SF3A3: variants seen among roughly 807,000 people sequenced by gnomAD.
SF3A3 encodes SAP 61.
SF3A3 carries 9 observed loss-of-function variants against 85.8 expected under a neutral mutation model. That is an observed-to-expected ratio of 0.10 (90% CI 0.06 to 0.18). SF3A3 has a LOEUF of 0.18. Among genes scored for constraint, SF3A3 ranks in the 10% least tolerant of loss-of-function variants. The pLI, the probability that SF3A3 is intolerant of heterozygous loss-of-function variation, is 1.00. For missense variants in SF3A3, 306 were observed against 593.3 expected (o/e 0.52, Z 5.03); for synonymous variants, 195 against 204.4 (o/e 0.95, Z 0.39).
chr1:37,974,376 C>T lies in SF3A3; in HGVS notation c.1005+2508G>A, dbSNP rs546744580. ...GGAGTGCAGTGGCGCAATCTCGGCT[C>T]ACTGCAACCTCTGCCTCCTGGGTTC... On this transcript the variant is annotated intron_variant, in intron 12 of 16. Transcript: ENST00000373019. Among the ~76,000 whole-genome samples the T allele has an allele frequency of 1.1e-3, 161 of 146,588 alleles. 2 individuals are homozygous for T. The highest frequency in any genetic ancestry group is 3.1e-3 in the African/African-American group (122 of 39,428).
At chr1:37,974,342 G>C (rs370512123) in intron 12 of SF3A3, among the ~76,000 whole-genome samples, 1 of 120,970 alleles carries the variant, frequency 8.3e-6, no homozygotes, top group African/African-American at 3.3e-5. Context: ...TTGCTCTGTC[G>C]CCCAAGCTGG....
At chr1:37,963,901 G>C (rs1385550560) in intron 15 of SF3A3, among the ~76,000 whole-genome samples, 3 of 137,646 alleles carry the variant, frequency 2.2e-5, no homozygotes, top group African/African-American at 8.8e-5. Flanking sequence ...AAAAATTAGA[G>C]CCAAGCATGG....
chr1:37,969,255 C>T (rs765982793), intron 14 of SF3A3, 99 bp downstream of exon 14: 31 of 848,952 alleles, frequency 3.7e-5, no homozygotes, highest in Non-Finnish European at 5.5e-5. Context: ...CCCTTCAGCT[C>T]TGGACACCAG....
intron 6 of SF3A3, among the ~76,000 whole-genome samples, chr1:37,983,374 A>G (rs1646433097): frequency 6.6e-6 from 1 of 151,376 alleles, no homozygotes; most frequent in South Asian, 2.1e-4. Flanking sequence ...GCTTGAGCTC[A>G]GGAGTTTAAG....
In SF3A3 at chr1:37,966,251, GAAGAA is replaced by G. The variant is rs569465709; in HGVS notation, c.1372+1788_1372+1792del. Among the ~76,000 whole-genome samples, 858 of 149,950 alleles carry G rather than the reference GAAGAA, an allele frequency of 5.7e-3. 7 individuals are homozygous for G. Among genetic ancestry groups the G allele is most frequent in the Admixed American group, 8.2e-3 (123 of 15,018 alleles). ...TTAATTAAATTAAATTAAAAAAAAAGAAGAAAAGAAAAGGCTGCCATGAAAATGTT... is the reference window on the plus strand; with the variant it reads ...TTAATTAAATTAAATTAAAAAAAAAGAAGAAAAGGCTGCCATGAAAATGTT... On this transcript the variant is annotated intron_variant, in intron 15 of 16. Coordinates refer to ENST00000373019, the MANE Select transcript of SF3A3 (RefSeq NM_006802.4).
chr1:37,957,255 A>G lies in SF3A3; in HGVS notation c.*931T>C, dbSNP rs1646225413. ...TTTTACAGTCAAATAGGGATCTTGTAGAAGAAACAGGTAGACAGACCCACC... is the reference window on the plus strand; with the variant it reads ...TTTTACAGTCAAATAGGGATCTTGTGGAAGAAACAGGTAGACAGACCCACC... On this transcript the variant is annotated 3_prime_UTR_variant, in exon 17 of 17. Transcript: ENST00000373019. 1 of 152,160 alleles carries G rather than the reference A, an allele frequency of 6.6e-6. No individual in the cohort carries two copies. The highest frequency in any genetic ancestry group is 1.5e-5 in the Non-Finnish European group (1 of 68,026). The allele number at this position is 152,160 out of a possible 1,614,324, so 9.4% of individuals were successfully genotyped here.
At chr1:37,981,587 T>C (rs989408292) in intron 7 of SF3A3, 142 bp downstream of exon 7, 1 of 672,386 alleles carries the variant, frequency 1.5e-6, no homozygotes, top group African/African-American at 1.8e-5. Context: ...AACCACATCA[T>C]TCATAACCCC....
chr1:37,985,592 GT>G (rs978249491), intron 4 of SF3A3, among the ~76,000 whole-genome samples: 1 of 152,014 alleles, frequency 6.6e-6, no homozygotes, highest in Non-Finnish European at 1.5e-5. Flanking sequence ...TTTTGTTTTT[GT>G]TTTTTTAACA....
At chr1:37,965,055 G>T (rs2148715999) in intron 15 of SF3A3, among the ~76,000 whole-genome samples, 1 of 152,180 alleles carries the variant, frequency 6.6e-6, no homozygotes, top group South Asian at 2.1e-4. Context: ...CTACTTGGGA[G>T]GTTAAGGCAC....
At chr1:37,987,466 T>C in intron 4 of SF3A3, 107 bp downstream of exon 4, 1 of 795,324 alleles carries the variant, frequency 1.3e-6, no homozygotes, top group Admixed American at 2.2e-5. Context: ...AAATGGCAAG[T>C]TCTTTCTTGA....
At chr1:37,982,879 G>A (rs1480636025) in intron 6 of SF3A3, among the ~76,000 whole-genome samples, 2 of 151,878 alleles carry the variant, frequency 1.3e-5, no homozygotes, top group Non-Finnish European at 2.9e-5. Flanking sequence ...AGGATTGATT[G>A]AGTCCAGGAG....
chr1:37,987,857 C>T (rs768238346), intron 2 of SF3A3, 21 bp from the exon 3 acceptor site: 36 of 1,603,938 alleles, frequency 2.2e-5, no homozygotes, highest in Non-Finnish European at 3.0e-5. Flanking sequence ...AATACAAAAC[C>T]ATCAGAATGA....
rs779723115 is a variant in SF3A3 at position 37,967,994 on chromosome 1, A to G, written c.1372+50T>C. 7.2e-6 allele frequency: 8 copies of G among 1,108,434 alleles called. No homozygotes were observed. In the African/African-American group the frequency reaches 1.2e-4, roughly 17 times the overall value. The allele number at this position is 1,108,434 out of a possible 1,614,324, so 68.7% of individuals were successfully genotyped here. On this transcript the variant is annotated intron_variant, in intron 15 of 16. Transcript: ENST00000373019. ...GGGTATTAGGATGCTGAATTGAAGG[A>G]GTAGAGCCATTTGTACTCGCCTAGG... is the stretch of plus-strand genomic sequence containing the variant.
At chr1:37,973,381 C>G (rs1414810161) in intron 12 of SF3A3, among the ~76,000 whole-genome samples, 3 of 152,056 alleles carry the variant, frequency 2.0e-5, no homozygotes, top group Non-Finnish European at 4.4e-5. Flanking sequence ...TTCTGCACAG[C>G]AAAAGAAACT....
At chr1:37,984,969 G>A (rs1055978905) in intron 4 of SF3A3, among the ~76,000 whole-genome samples, 190 bp from the exon 5 acceptor site, 2 of 152,156 alleles carry the variant, frequency 1.3e-5, no homozygotes, top group Non-Finnish European at 2.9e-5. Context: ...CACCACGCTT[G>A]GCTAATTCTT....
At chr1:37,979,157 A>C (rs1570465709) in intron 9 of SF3A3, 102 bp from the exon 10 acceptor site, 2 of 876,692 alleles carry the variant, frequency 2.3e-6, no homozygotes, top group Non-Finnish European at 3.8e-6. Context: ...TGGCAGGACC[A>C]CACATTTCAC....
At chr1:37,959,110 GCT>G (rs1438898303) in intron 16 of SF3A3, among the ~76,000 whole-genome samples, 1 of 119,970 alleles carries the variant, frequency 8.3e-6, no homozygotes, top group Non-Finnish European at 1.7e-5. Flanking sequence ...GTAAGTTCTT[GCT>G]CTGTCACCCA....
At chr1:37,989,769 G>A (rs762181543) in intron 1 of SF3A3, 101 bp downstream of exon 1, 3 of 1,232,588 alleles carry the variant, frequency 2.4e-6, no homozygotes, top group Admixed American at 3.7e-5. Context: ...GGAGCCCGGA[G>A]GAAGGCAGGG....
chr1:37,980,483 A>T, intron 8 of SF3A3, 103 bp downstream of exon 8: 1 of 1,241,862 alleles, frequency 8.1e-7, no homozygotes, highest in Non-Finnish European at 1.1e-6. Context: ...AAGTGATACC[A>T]AGGAATTGAT....
Sources: allele counts gnomAD v4.1 joint callset (sites outside exome capture counted in the v4.1 genomes callset), GRCh38; gene constraint gnomAD v4.1.1; transcripts MANE v1.5; gene names NCBI Gene and HGNC (gene_info 2026-07-23, HGNC 2026-07-21).